The following SVOPL variants were observed in gnomAD, a reference collection of about 807,000 sequenced individuals.
SVOPL encodes SVOP like, also known as putative transporter SVOPL.
In SVOPL, 60 loss-of-function variants were observed where a neutral mutation model predicts 61.0. That is an observed-to-expected ratio of 0.98 (90% CI 0.80 to 1.22). The LOEUF (loss-of-function observed/expected upper bound fraction) is 1.22. Among genes scored for constraint, SVOPL ranks in the 50% most tolerant of loss-of-function variants. The pLI is 0.00. For synonymous variants in SVOPL, 279 were observed against 250.0 expected, an observed-to-expected ratio of 1.12 and a Z score of -1.09; for missense variants, 662 against 643.9, an observed-to-expected ratio of 1.03 and a Z score of -0.30.
intron 2 of SVOPL, 41 bp from the exon 3 acceptor site, chr7:138,678,566 G>T: frequency 1.3e-6 from 2 of 1,537,824 alleles, no homozygotes; most frequent in Middle Eastern, 1.7e-4. Context: ...GCTTCTGCAG[G>T]GAAGGGAATG....
At chr7:138,689,275 A>C in intron 1 of SVOPL, 1 of 1,579,928 alleles carries the variant, frequency 6.3e-7, no homozygotes, top group Non-Finnish European at 8.6e-7. Context: ...AAAAATGCAG[A>C]GAGCAATGCA....
At chr7:138,673,080 GA>G (rs937380608) in intron 3 of SVOPL, among the ~76,000 whole-genome samples, 2 of 151,948 alleles carry the variant, frequency 1.3e-5, no homozygotes, top group Non-Finnish European at 1.5e-5. Context: ...TTATCAGGAG[GA>G]AAAAAAGGGA....
At chr7:138,693,561 GAAA>G (rs1563140842) in intron 1 of SVOPL, among the ~76,000 whole-genome samples, 106 of 66,220 alleles carry the variant, frequency 1.6e-3, no homozygotes, top group African/African-American at 7.6e-3. Flanking sequence ...AAGAAAGAAA[GAAA>G]GAAAGAAAGA....
At chr7:138,640,356 C>A (rs1236438826) in intron 9 of SVOPL, among the ~76,000 whole-genome samples, 1 of 151,976 alleles carries the variant, frequency 6.6e-6, no homozygotes, top group Non-Finnish European at 1.5e-5. Flanking sequence ...CTCAGCCTCC[C>A]GAGTAGCTGG....
rs150846264 is a variant in SVOPL, at chr7:138,679,414, C to A, written c.-34-335G>T. On this transcript the variant is annotated intron_variant, in intron 1 of 15. Coordinates refer to ENST00000674285, the MANE Select transcript of SVOPL (RefSeq NM_001139456.2). ...CCTCTTGAGTAGCTGGGGTTACAGG[C>A]ATGCGTCACCATGCCTGGCTAATTT... 3.0e-4 allele frequency among the ~76,000 whole-genome samples: 45 copies of A among 152,126 alleles called. 1 individual carries two copies. The East Asian group carries it at 7.9e-3, about 27-fold the overall frequency.
intron 15 of SVOPL, among the ~76,000 whole-genome samples, chr7:138,595,951 G>C (rs748746460): frequency 6.6e-6 from 1 of 152,236 alleles, no homozygotes; most frequent in East Asian, 1.9e-4. Context: ...ACTTTAGGAG[G>C]CCAAGACAGG....
At chr7:138,641,409 G>A (rs896814691) in intron 9 of SVOPL, among the ~76,000 whole-genome samples, 1 of 151,910 alleles carries the variant, frequency 6.6e-6, no homozygotes, top group East Asian at 1.9e-4. Flanking sequence ...GGGGCCTCAC[G>A]CCTGTAATCC....
intron 1 of SVOPL, among the ~76,000 whole-genome samples, chr7:138,698,275 C>A (rs1420521507): frequency 6.6e-6 from 1 of 152,156 alleles, no homozygotes; most frequent in Non-Finnish European, 1.5e-5. Context: ...ATTCTACCTG[C>A]CGGTGGGAGA....
Position 138,628,424 on chromosome 7 carries a change from G to A in SVOPL, c.864-61C>T, listed in dbSNP as rs1799998486. ...GACACCAGACCTGAAGGATGAGTGG[G>A]GAGGGGATACCAAGTGGAACGTGTA... On this transcript the variant is annotated intron_variant, in intron 10 of 15. Transcript: ENST00000674285. The A allele has an allele frequency of 2.6e-6, 4 of 1,550,580 alleles. No individual in the cohort carries two copies. The African/African-American group carries it at 4.1e-5, about 16-fold the overall frequency.
At chr7:138,653,783 A>C (rs553313877) in intron 7 of SVOPL, among the ~76,000 whole-genome samples, 8 of 152,016 alleles carry the variant, frequency 5.3e-5, no homozygotes, top group Non-Finnish European at 1.2e-4. Context: ...AAATACAAAA[A>C]TTAGCTGGGC....
chr7:138,677,294 TAGCTTTGA>T (rs1172465333), intron 3 of SVOPL, among the ~76,000 whole-genome samples: 1 of 152,072 alleles, frequency 6.6e-6, no homozygotes, highest in African/African-American at 2.4e-5. Flanking sequence ...CCAATGATGT[TAGCTTTGA>T]AGACCCACGT....
Position 138,676,899 on chromosome 7 carries a change from C to CTTT in SVOPL, c.174+1532_174+1534dup, listed in dbSNP as rs1191279496. 6.2e-4 allele frequency among the ~76,000 whole-genome samples: 70 copies of CTTT among 112,792 alleles called. 1 individual carries two copies. The highest frequency in any genetic ancestry group is 7.6e-4 in the Non-Finnish European group (44 of 57,578). The allele number at this position is 112,792 out of a possible 152,430, so 74.0% of individuals were successfully genotyped here. A position where few individuals can be genotyped will look rare whatever the true frequency, so the allele number is the denominator to read the frequency against. On this transcript the variant is annotated intron_variant, in intron 3 of 15. Coordinates refer to ENST00000674285, the MANE Select transcript of SVOPL (RefSeq NM_001139456.2). Reference sequence around the variant, plus strand: ...TTGGATTACCCACCTCTTGGGGTTCCTTTTTTTTTTTTTTTTTTTTTTGAG... The same window carrying CTTT: ...TTGGATTACCCACCTCTTGGGGTTCCTTTTTTTTTTTTTTTTTTTTTTTTTGAG...
At chr7:138,638,444 T>C (rs1285211603) in intron 9 of SVOPL, among the ~76,000 whole-genome samples, 1 of 152,060 alleles carries the variant, frequency 6.6e-6, no homozygotes, top group Non-Finnish European at 1.5e-5. Context: ...AAAGTGTAAC[T>C]GAAATCCTGG....
chr7:138,671,707 G>A (rs565940182), intron 4 of SVOPL, among the ~76,000 whole-genome samples: 20 of 152,200 alleles, frequency 1.3e-4, no homozygotes, highest in Non-Finnish European at 2.6e-4. Context: ...ATAATTCAGC[G>A]AGGGTGATTG....
At chr7:138,688,250 C>T (rs1311136992) in intron 1 of SVOPL, among the ~76,000 whole-genome samples, 1 of 151,462 alleles carries the variant, frequency 6.6e-6, no homozygotes, top group Non-Finnish European at 1.5e-5. Context: ...ACTTCCTACT[C>T]AGTAGGATGC....
In SVOPL at chr7:138,644,729, C is replaced by T. The variant is rs1298223532; in HGVS notation, c.777G>A (p.Val259=). Residue 259 remains valine (V), a synonymous_variant, in exon 9 of 16, where the codon GTG becomes GTA. Coordinates refer to ENST00000674285, the MANE Select transcript of SVOPL (RefSeq NM_001139456.2). ...GGCCAGCACTCACCAGGACGGGCTCCACCAGCTTCCCCTCCGGCATGACCG... is the reference window on the plus strand; with the variant it reads ...GGCCAGCACTCACCAGGACGGGCTCTACCAGCTTCCCCTCCGGCATGACCG... ...NRSVMPEGKL[V]EPVLEKRGRF... The T allele has an allele frequency of 3.7e-6, 6 of 1,614,118 alleles. No individual in the cohort carries two copies. Among genetic ancestry groups the T allele is most frequent in the Non-Finnish European group, 5.1e-6 (6 of 1,180,012 alleles).
intron 14 of SVOPL, among the ~76,000 whole-genome samples, chr7:138,599,168 A>AAAACC (rs1798409839): frequency 8.2e-5 from 1 of 12,258 alleles, no homozygotes; most frequent in Non-Finnish European, 1.9e-4. Flanking sequence ...CCAAAAAAAA[A>AAAACC]AGAAATACAG....
chr7:138,675,355 A>G (rs547480891), intron 3 of SVOPL, among the ~76,000 whole-genome samples: 2 of 151,708 alleles, frequency 1.3e-5, no homozygotes, highest in South Asian at 2.1e-4. Context: ...TTTATTTTTT[A>G]TTTTATTTTT....
chr7:138,657,175 A>G (rs931508902), intron 6 of SVOPL, among the ~76,000 whole-genome samples: 1 of 122,068 alleles, frequency 8.2e-6, no homozygotes, highest in Non-Finnish European at 1.9e-5. Flanking sequence ...TATTTATTTT[A>G]GAGACAAGGT....
Sources: allele counts gnomAD v4.1 joint callset (sites outside exome capture counted in the v4.1 genomes callset), GRCh38; gene constraint gnomAD v4.1.1; transcripts MANE v1.5; gene names NCBI Gene and HGNC (gene_info 2026-07-23, HGNC 2026-07-21).